The following CDC42BPA variants were observed in gnomAD, a reference collection of about 807,000 sequenced individuals.
The protein encoded by CDC42BPA is CDC42 binding protein kinase alpha, also known as serine/threonine-protein kinase MRCK alpha.
In CDC42BPA, 80 loss-of-function variants were observed where a neutral mutation model predicts 223.5. The observed-to-expected ratio is 0.36, with a 90% CI of 0.30 to 0.43. The LOEUF (loss-of-function observed/expected upper bound fraction) is 0.43, where lower values mean the gene tolerates loss of function less well. Among genes scored for constraint, CDC42BPA ranks in the 20% least tolerant of loss-of-function variants. The pLI, the probability that CDC42BPA is intolerant of heterozygous loss-of-function variation, is 1.00. For missense variants in CDC42BPA, 1,743 were observed against 2,099.9 expected (o/e 0.83, Z 3.32); for synonymous variants, 694 against 718.6 (o/e 0.97, Z 0.55).
chr1:226,996,581 G>A (rs551771851), intron 35 of CDC42BPA, among the ~76,000 whole-genome samples: 19 of 152,014 alleles, frequency 1.2e-4, no homozygotes, highest in Admixed American at 2.6e-4. Flanking sequence ...TTGCCCATTC[G>A]GTATGATATT....
At position 227,101,151 on chromosome 1, in the gene CDC42BPA, CT is replaced by C; in HGVS notation, c.2089del (p.Ser697ValfsTer19). The C allele has an allele frequency of 6.3e-7, 1 of 1,580,860 alleles. No individual in the cohort carries two copies. Among genetic ancestry groups the C allele is most frequent in the Non-Finnish European group, 8.7e-7 (1 of 1,150,800 alleles). ...AGATAATTCTTCTTCATAAAAGATA[CT>C]TTTCTTTTCCAAATCAGTCTTTAGT... ...TKLKTDLEKK[S>X]IFYEEELSKR... On this transcript the variant is annotated frameshift_variant, in exon 15 of 37. Coordinates refer to ENST00000366766, the MANE Select transcript of CDC42BPA (RefSeq NM_001394014.1). LOFTEE classifies it high-confidence loss of function.
chr1:227,157,034 A>G (rs1294273870), intron 6 of CDC42BPA, among the ~76,000 whole-genome samples: 1 of 152,194 alleles, frequency 6.6e-6, no homozygotes, highest in Non-Finnish European at 1.5e-5. Context: ...ATAATTCCAT[A>G]TACATATCTT....
chr1:227,277,770 C>T (rs1687356582), intron 1 of CDC42BPA, among the ~76,000 whole-genome samples: 1 of 152,070 alleles, frequency 6.6e-6, no homozygotes, highest in Admixed American at 6.6e-5. Flanking sequence ...TGTTTCTTTT[C>T]AGACAGTCTC....
chr1:227,225,331 A>G (rs1676674518), intron 2 of CDC42BPA, among the ~76,000 whole-genome samples: 1 of 152,280 alleles, frequency 6.6e-6, no homozygotes, highest in Non-Finnish European at 1.5e-5. Flanking sequence ...TAGATGATTA[A>G]TAAGTATTAT....
chr1:227,062,843 A>T (rs1676208970), intron 21 of CDC42BPA, among the ~76,000 whole-genome samples: 1 of 152,004 alleles, frequency 6.6e-6, no homozygotes, highest in African/African-American at 2.4e-5. Context: ...AAAAAAAAAA[A>T]ACTTTTTTGG....
chr1:227,131,658 G>A (rs1056879199), intron 10 of CDC42BPA, among the ~76,000 whole-genome samples: 3 of 152,150 alleles, frequency 2.0e-5, no homozygotes, highest in African/African-American at 7.2e-5. Flanking sequence ...GGTGTATGAA[G>A]GGAGGTCTTA....
rs1372196882 is a variant in CDC42BPA at position 227,083,730 on chromosome 1, A to G, written c.2356-2713T>C. Among the ~76,000 whole-genome samples, 7 of 152,212 alleles carry G rather than the reference A, an allele frequency of 4.6e-5. No individual in the cohort carries two copies. The East Asian group carries it at 1.3e-3, about 29-fold the overall frequency. Reference sequence around the variant, plus strand: ...ACTTTTACTTTTGGTAGGCAATCAGAGTAAAGATAGATCAAAGATTGAAAT... The same window carrying G: ...ACTTTTACTTTTGGTAGGCAATCAGGGTAAAGATAGATCAAAGATTGAAAT... On this transcript the variant is annotated intron_variant, in intron 16 of 36. Transcript: ENST00000366766.
At chr1:227,217,203 T>C (rs1675011766) in intron 2 of CDC42BPA, among the ~76,000 whole-genome samples, 2 of 152,036 alleles carry the variant, frequency 1.3e-5, no homozygotes, top group South Asian at 4.1e-4. Flanking sequence ...TCCCAGCACT[T>C]TGGGAAGCCG....
At chr1:227,271,168 T>C (rs1685896036) in intron 1 of CDC42BPA, among the ~76,000 whole-genome samples, 1 of 152,232 alleles carries the variant, frequency 6.6e-6, no homozygotes. Context: ...AAATGTTAAT[T>C]ATACTGTTTT....
chr1:227,027,923 C>G (rs1196414202), intron 30 of CDC42BPA, among the ~76,000 whole-genome samples: 2 of 151,936 alleles, frequency 1.3e-5, no homozygotes, highest in African/African-American at 2.4e-5. Flanking sequence ...TTGAGACCAG[C>G]CTGAACAACT....
chr1:227,125,387 G>C (rs941804436), intron 11 of CDC42BPA, among the ~76,000 whole-genome samples: 1 of 151,820 alleles, frequency 6.6e-6, no homozygotes, highest in Non-Finnish European at 1.5e-5. Context: ...TGAGGAGGGC[G>C]AATCACTTGA....
intron 16 of CDC42BPA, among the ~76,000 whole-genome samples, chr1:227,082,301 C>T (rs1013557792): frequency 6.6e-6 from 1 of 152,142 alleles, no homozygotes; most frequent in Non-Finnish European, 1.5e-5. Context: ...CCCGCTGTGG[C>T]CTCCCAAATT....
At chr1:227,243,028 T>C (rs1394376347) in intron 2 of CDC42BPA, among the ~76,000 whole-genome samples, 1 of 152,170 alleles carries the variant, frequency 6.6e-6, no homozygotes, top group African/African-American at 2.4e-5. Flanking sequence ...TGCAGGGACA[T>C]GGATGGAGCC....
chr1:227,061,945 T>A (rs961662411), intron 21 of CDC42BPA, among the ~76,000 whole-genome samples: 2 of 152,324 alleles, frequency 1.3e-5, no homozygotes, highest in Middle Eastern at 3.4e-3. Flanking sequence ...TATCTGACTG[T>A]CTGCTGGACA....
chr1:227,153,813 T>TA (rs1387950414), intron 6 of CDC42BPA, among the ~76,000 whole-genome samples: 4 of 151,882 alleles, frequency 2.6e-5, no homozygotes, highest in Admixed American at 2.6e-4. Context: ...GATTTAAAAG[T>TA]AAATTCTACC....
Position 227,254,150 on chromosome 1 carries a change from G to A in CDC42BPA, c.184C>T (p.Pro62Ser). Reference sequence around the variant, plus strand: ...ATTTGTTTCACTTTAGAAGTAAATGGTTTAGCTGAAATGAAAGAGCAATAT... The same window carrying A: ...ATTTGTTTCACTTTAGAAGTAAATGATTTAGCTGAAATGAAAGAGCAATAT... ...NILEYLEWAKPFTSKVKQMRL... is the reference protein window; with the variant it reads ...NILEYLEWAKSFTSKVKQMRL... The change falls in exon 2 of 37, where the codon CCA becomes TCA. Residue 62 changes from proline (P) to serine (S), a missense_variant. Physicochemically the swap from Pro to Ser is moderately conservative, Grantham distance 74 (BLOSUM62 -1). Around this residue, in one of 6 missense-constraint regions of CDC42BPA, gnomAD observed 321 missense variants for 488.7 expected, o/e 0.66. Transcript: ENST00000366766. 1 of 1,517,508 alleles carries A rather than the reference G, an allele frequency of 6.6e-7. No homozygotes were observed. The highest frequency in any genetic ancestry group is 9.0e-7 in the Non-Finnish European group (1 of 1,105,134). The allele number at this position is 1,517,508 out of a possible 1,614,324, so 94.0% of individuals were successfully genotyped here.
chr1:227,027,943 A>G (rs1668573836), intron 30 of CDC42BPA, among the ~76,000 whole-genome samples: 1 of 152,030 alleles, frequency 6.6e-6, no homozygotes, highest in Non-Finnish European at 1.5e-5. Context: ...TAATGAGACC[A>G]TCTCTACAAA....
intron 3 of CDC42BPA, among the ~76,000 whole-genome samples, chr1:227,207,151 C>G (rs896216890): frequency 2.3e-4 from 30 of 130,914 alleles, no homozygotes; most frequent in Non-Finnish European, 3.4e-4. Context: ...TCTCATTGTT[C>G]AATTCCCACC....
At chr1:227,057,438 C>A (rs1422308518) in intron 21 of CDC42BPA, among the ~76,000 whole-genome samples, 1 of 152,002 alleles carries the variant, frequency 6.6e-6, no homozygotes, top group African/African-American at 2.4e-5. Context: ...AAATCTTATG[C>A]TACTGTTACA....
Sources: gnomAD v4.1 joint callset for allele counts (sites outside exome capture counted in the v4.1 genomes callset) on GRCh38, gnomAD v4.1.1 for gene constraint, gnomAD v4.1.1 regional missense constraint, MANE v1.5 for transcripts, NCBI Gene and HGNC (gene_info 2026-07-23, HGNC 2026-07-21) for gene names.